Variants in KIF27 observed in about 807,000 individuals in gnomAD.
KIF27 encodes the protein kinesin family member 27.
In KIF27, 84 loss-of-function variants were observed where a neutral mutation model predicts 141.8. The observed-to-expected ratio is 0.59, with a 90% CI of 0.50 to 0.71. The LOEUF is 0.71. Ranked by LOEUF, KIF27 falls within the 30% of genes least tolerant of loss-of-function variation. The pLI is 0.00. For missense variants in KIF27, 1,306 were observed against 1,628.4 expected, an observed-to-expected ratio of 0.80 and a Z score of 3.41; for synonymous variants, 471 against 569.5, an observed-to-expected ratio of 0.83 and a Z score of 2.46.
rs555193729 is a variant in KIF27 at position 83,849,870 on chromosome 9, T to C, written c.3556+229A>G. 3.3e-4 allele frequency among the ~76,000 whole-genome samples: 51 copies of C among 152,324 alleles called. No homozygotes were observed. In the South Asian group the frequency reaches 0.01, roughly 31 times the overall value. On this transcript the variant is annotated intron_variant, in intron 16 of 17. Transcript: ENST00000297814. ...GCTGACAGGATTGTAGCAGTTCTTATGTGCATACTGGAGGCAGGCAGAAGG... is the reference window on the plus strand; with the variant it reads ...GCTGACAGGATTGTAGCAGTTCTTACGTGCATACTGGAGGCAGGCAGAAGG...
intron 5 of KIF27, chr9:83,898,584 C>T (rs1953508318): frequency 6.6e-6 from 1 of 152,180 alleles, no homozygotes; most frequent in Non-Finnish European, 1.5e-5. Context: ...GGTTACCCAG[C>T]TGTTCTCTCT....
chr9:83,915,138 T>C (rs1955561846), intron 2 of KIF27, among the ~76,000 whole-genome samples, 156 bp downstream of exon 2: 1 of 152,246 alleles, frequency 6.6e-6, no homozygotes, highest in African/African-American at 2.4e-5. Context: ...AAACGAATCT[T>C]TCAAAGATGA....
At chr9:83,848,114 C>CTA (rs1947661371) in intron 16 of KIF27, among the ~76,000 whole-genome samples, 1 of 31,874 alleles carries the variant, frequency 3.1e-5, no homozygotes, top group Admixed American at 2.4e-4. Flanking sequence ...TATCTCATAT[C>CTA]TGATATATCT....
At chr9:83,866,054 T>A (rs537873537) in intron 13 of KIF27, among the ~76,000 whole-genome samples, 2 of 151,816 alleles carry the variant, frequency 1.3e-5, no homozygotes, top group Non-Finnish European at 2.9e-5. Flanking sequence ...CTACCTGGAG[T>A]TTTTTTGACT....
chr9:83,882,972 C>T (rs1342003944), intron 10 of KIF27, among the ~76,000 whole-genome samples: 1 of 152,002 alleles, frequency 6.6e-6, no homozygotes, highest in African/African-American at 2.4e-5. Context: ...CTTTTCAGGC[C>T]TGTCACACCA....
At chr9:83,876,577 TG>T (rs1164201288) in intron 11 of KIF27, among the ~76,000 whole-genome samples, 1 of 152,164 alleles carries the variant, frequency 6.6e-6, no homozygotes, top group Admixed American at 6.6e-5. Context: ...CAAATTCACA[TG>T]GAAAACTGTA....
intron 14 of KIF27, among the ~76,000 whole-genome samples, chr9:83,857,787 G>A (rs1457588308): frequency 6.6e-6 from 1 of 152,012 alleles, no homozygotes; most frequent in Non-Finnish European, 1.5e-5. Flanking sequence ...AGGCTGCCTT[G>A]ATGAATCTTC....
At chr9:83,861,453 G>C (rs184608106) in intron 13 of KIF27, among the ~76,000 whole-genome samples, 2 of 151,732 alleles carry the variant, frequency 1.3e-5, no homozygotes, top group South Asian at 2.1e-4. Flanking sequence ...CCTTGCAATA[G>C]TTTGCTGAGA....
chr9:83,910,736 G>C (rs796976776), intron 2 of KIF27, among the ~76,000 whole-genome samples: 8 of 152,260 alleles, frequency 5.3e-5, no homozygotes, highest in African/African-American at 1.9e-4. Context: ...CTACAAACCA[G>C]AACACAGACC....
Position 83,888,553 on chromosome 9 carries a change from A to T in KIF27, c.2019T>A (p.Val673=), listed in dbSNP as rs114435432. The T allele has an allele frequency of 9.4e-4, 1,498 of 1,600,670 alleles. 15 individuals carry two copies. The African/African-American group carries it at 0.019, about 20-fold the overall frequency. The change falls in exon 8 of 18, where the codon GTT becomes GTA. Residue 673 remains valine (V), a synonymous_variant. Transcript: ENST00000297814. ...TATCACTCAATTCAACAAGGGAACA[A>T]ACAGAGTCTGGCTTCTGAATCCATG... ...SRSWIQKPDS[V]CSLVELSDTQ... is the part of the protein sequence containing the mutation.
chr9:83,913,874 G>A (rs535067502), intron 2 of KIF27, among the ~76,000 whole-genome samples: 35 of 152,180 alleles, frequency 2.3e-4, no homozygotes, highest in Middle Eastern at 3.4e-3. Flanking sequence ...GGGGTGAGAG[G>A]AGCTGTCACT....
chr9:83,837,233 G>C lies in KIF27; in HGVS notation c.3974C>G (p.Thr1325Arg), dbSNP rs769116359. Residue 1325 changes from threonine (T) to arginine (R), a missense_variant, in exon 18 of 18, where the codon ACA becomes AGA. Transcript: ENST00000297814. ...HMLGNENKTE[T>R]DDNQFTKSHS... ...AGATTTTGTAAACTGATTATCATCT[G>C]TTTCTGTTTTATTCTCATTACCTAA... 3 of 1,613,990 alleles carry C rather than the reference G, an allele frequency of 1.9e-6. No homozygotes were observed. The highest frequency in any genetic ancestry group is 3.3e-5 in the Admixed American group (2 of 60,004).
At chr9:83,886,042 T>C (rs1952075136) in intron 9 of KIF27, among the ~76,000 whole-genome samples, 1 of 152,026 alleles carries the variant, frequency 6.6e-6, no homozygotes, top group Admixed American at 6.6e-5. Context: ...ATATGTGCTA[T>C]GCATCATCCT....
intron 16 of KIF27, among the ~76,000 whole-genome samples, chr9:83,848,167 ATC>A (rs1365523059): frequency 1.9e-4 from 16 of 83,716 alleles, no homozygotes; most frequent in African/African-American, 7.5e-4. Flanking sequence ...TATATGATAT[ATC>A]TGATATATCA....
chr9:83,882,676 G>C, intron 10 of KIF27, among the ~76,000 whole-genome samples: 1 of 151,742 alleles, frequency 6.6e-6, no homozygotes. Flanking sequence ...TTTCTTTTGA[G>C]GTAAAGTTCT....
At chr9:83,893,573 A>C (rs1458911127) in intron 5 of KIF27, among the ~76,000 whole-genome samples, 1 of 152,132 alleles carries the variant, frequency 6.6e-6, no homozygotes, top group South Asian at 2.1e-4. Flanking sequence ...GAAAATTAGG[A>C]AACATTTTGA....
intron 11 of KIF27, among the ~76,000 whole-genome samples, chr9:83,875,561 T>C (rs956245422): frequency 6.6e-6 from 1 of 152,050 alleles, no homozygotes; most frequent in African/African-American, 2.4e-5. Context: ...GGATGGAGTA[T>C]AGAAGAGGGC....
chr9:83,844,767 T>TA (rs1947038002), intron 16 of KIF27, among the ~76,000 whole-genome samples: 1 of 152,196 alleles, frequency 6.6e-6, no homozygotes, highest in African/African-American at 2.4e-5. Flanking sequence ...TGAACTCTTC[T>TA]ACCTCAGTAA....
intron 7 of KIF27, among the ~76,000 whole-genome samples, chr9:83,888,816 C>CAA (rs35585822): frequency 3.7e-4 from 31 of 83,834 alleles, no homozygotes; most frequent in East Asian, 7.5e-4. Context: ...TAAGGAAATC[C>CAA]AAAAAAAAAA....
Sources: gnomAD v4.1 joint callset for allele counts (sites outside exome capture counted in the v4.1 genomes callset) on GRCh38, gnomAD v4.1.1 for gene constraint, MANE v1.5 for transcripts, NCBI Gene and HGNC (gene_info 2026-07-23, HGNC 2026-07-21) for gene names.